The following EHF variants were observed in gnomAD, a reference collection of about 807,000 sequenced individuals.
EHF encodes the protein ETS homologous factor.
A neutral mutation model predicts 45.1 loss-of-function variants in EHF; 14 were observed. The observed-to-expected ratio is 0.31, with a 90% CI of 0.21 to 0.49. The LOEUF (loss-of-function observed/expected upper bound fraction) is 0.49. Among genes scored for constraint, EHF ranks in the 20% least tolerant of loss-of-function variants. The pLI is 0.99. For missense variants in EHF, 282 were observed against 371.4 expected, an observed-to-expected ratio of 0.76 and a Z score of 1.98; for synonymous variants, 136 against 131.8, an observed-to-expected ratio of 1.03 and a Z score of -0.22.
At chr11:34,642,421 G>T (rs953819381) in intron 1 of EHF, 1 of 482,816 alleles carries the variant, frequency 2.1e-6, no homozygotes, top group Non-Finnish European at 3.8e-6. Flanking sequence ...GTAAAAACTT[G>T]CCTCATGCAT....
intron 3 of EHF, among the ~76,000 whole-genome samples, chr11:34,647,459 C>A (rs1590506400): frequency 6.6e-6 from 1 of 152,214 alleles, no homozygotes; most frequent in Admixed American, 6.5e-5. Flanking sequence ...GGGTGGACAA[C>A]TGACCTTGCA....
At chr11:34,657,001 G>C in intron 7 of EHF, 31 bp downstream of exon 7, 1 of 1,612,006 alleles carries the variant, frequency 6.2e-7, no homozygotes, top group South Asian at 1.1e-5. Context: ...ATGGCCTTTG[G>C]TCCTTCCCAT....
At chr11:34,658,481 A>C in intron 7 of EHF, 52 bp from the exon 8 acceptor site, 2 of 1,511,324 alleles carry the variant, frequency 1.3e-6, no homozygotes, top group Non-Finnish European at 1.8e-6. Context: ...TCTCTGCCCT[A>C]TCTTTGCTGT....
At chr11:34,640,863 A>G (rs1462425117) in intron 1 of EHF, among the ~76,000 whole-genome samples, 1 of 152,176 alleles carries the variant, frequency 6.6e-6, no homozygotes, top group African/African-American at 2.4e-5. Context: ...TCATGATAAC[A>G]CCTGACGTGT....
At chr11:34,647,708 C>T (rs1854708293) in intron 3 of EHF, among the ~76,000 whole-genome samples, 2 of 152,244 alleles carry the variant, frequency 1.3e-5, no homozygotes, top group African/African-American at 4.8e-5. Context: ...GCCATCAACA[C>T]TGAAGAGGAC....
chr11:34,637,558 A>C (rs1853566191), intron 1 of EHF, among the ~76,000 whole-genome samples: 1 of 152,238 alleles, frequency 6.6e-6, no homozygotes, highest in African/African-American at 2.4e-5. Flanking sequence ...CCAGTGGCCC[A>C]TAATTTTAGG....
At chr11:34,657,298 G>A (rs1454556506) in intron 7 of EHF, among the ~76,000 whole-genome samples, 2 of 152,150 alleles carry the variant, frequency 1.3e-5, no homozygotes, top group East Asian at 1.9e-4. Flanking sequence ...GAAGAGGAGC[G>A]AGATAAGAAG....
At chr11:34,650,880 G>A (rs892300555) in intron 4 of EHF, among the ~76,000 whole-genome samples, 1 of 152,166 alleles carries the variant, frequency 6.6e-6, no homozygotes, top group Admixed American at 6.5e-5. Flanking sequence ...CTGCGATGGG[G>A]CAGTGGGGCT....
At chr11:34,651,696 AG>A (rs879362304) in intron 5 of EHF, 40 bp from the exon 6 acceptor site, 36 of 1,608,582 alleles carry the variant, frequency 2.2e-5, no homozygotes, top group Admixed American at 5.0e-5. Flanking sequence ...AGGTGGGGGG[AG>A]GGGGTGCTCT....
chr11:34,625,332 C>T (rs1192433701), intron 1 of EHF, among the ~76,000 whole-genome samples: 1 of 152,158 alleles, frequency 6.6e-6, no homozygotes, highest in Non-Finnish European at 1.5e-5. Context: ...TTTGTGATGG[C>T]AGGGAACAGC....
Position 34,651,537 on chromosome 11 carries a change from T to C in EHF, c.407-5T>C. 1 of 1,612,816 alleles carries C rather than the reference T, an allele frequency of 6.2e-7. No individual in the cohort carries two copies. Among genetic ancestry groups the C allele is most frequent in the Non-Finnish European group, 8.5e-7 (1 of 1,178,950 alleles). The stretch of plus-strand genomic sequence containing the variant: ...CTGACTATTCTCCTTCTCTATTTTT[T>C]GTAGAGCCTTCCATCATGAACACCT... On this transcript the variant is annotated splice_region_variant and splice_polypyrimidine_tract_variant and intron_variant, in intron 4 of 8. Coordinates refer to ENST00000257831, the MANE Select transcript of EHF (RefSeq NM_012153.6).
intron 4 of EHF, among the ~76,000 whole-genome samples, chr11:34,650,373 G>A (rs541751210): frequency 6.6e-6 from 1 of 152,288 alleles, no homozygotes; most frequent in South Asian, 2.1e-4. Flanking sequence ...GGTGTACAAG[G>A]TGACCCAACA....
intron 1 of EHF, among the ~76,000 whole-genome samples, chr11:34,624,642 G>A (rs1852214455): frequency 6.6e-6 from 1 of 152,170 alleles, no homozygotes; most frequent in Admixed American, 6.5e-5. Flanking sequence ...TTCTTAGGGT[G>A]GGACATAGTT....
At chr11:34,634,475 G>A (rs1305184053) in intron 1 of EHF, among the ~76,000 whole-genome samples, 1 of 152,346 alleles carries the variant, frequency 6.6e-6, no homozygotes, top group East Asian at 1.9e-4. Context: ...CTAGGAAGAA[G>A]GCTGATGGTG....
chr11:34,626,592 G>A (rs1481246348), intron 1 of EHF, among the ~76,000 whole-genome samples: 2 of 152,192 alleles, frequency 1.3e-5, no homozygotes, highest in Non-Finnish European at 2.9e-5. Flanking sequence ...CTCTAGATTT[G>A]ACTCTAAATT....
chr11:34,631,910 A>T (rs999942500), intron 1 of EHF, among the ~76,000 whole-genome samples: 2 of 152,118 alleles, frequency 1.3e-5, no homozygotes, highest in African/African-American at 4.8e-5. Context: ...CTGATTCATG[A>T]TCTGAACCTG....
chr11:34,647,931 A>AC (rs1854739412), intron 3 of EHF, among the ~76,000 whole-genome samples: 1 of 151,518 alleles, frequency 6.6e-6, no homozygotes, highest in South Asian at 2.1e-4. Flanking sequence ...ATTTACCTCC[A>AC]CCCCCCAATT....
chr11:34,641,654 A>G (rs569357967), intron 1 of EHF, among the ~76,000 whole-genome samples: 18 of 152,324 alleles, frequency 1.2e-4, no homozygotes, highest in South Asian at 2.1e-4. Flanking sequence ...GTATTGCCCA[A>G]TAGCGATCTG....
At chr11:34,626,985 A>G (rs1852426752) in intron 1 of EHF, among the ~76,000 whole-genome samples, 1 of 152,242 alleles carries the variant, frequency 6.6e-6, no homozygotes. Flanking sequence ...AAGCACCTGA[A>G]CAAAAGCTTG....
Sources: allele counts gnomAD v4.1 joint callset (sites outside exome capture counted in the v4.1 genomes callset), GRCh38; gene constraint gnomAD v4.1.1; transcripts MANE v1.5; gene names NCBI Gene and HGNC (gene_info 2026-07-23, HGNC 2026-07-21).